Variants in PPP1R1C observed in about 807,000 individuals in gnomAD.
The protein encoded by PPP1R1C is protein phosphatase 1 regulatory subunit 1C.
PPP1R1C carries 15 observed loss-of-function variants against 17.4 expected under a neutral mutation model. The observed-to-expected ratio is 0.86, with a 90% CI of 0.58 to 1.33. The LOEUF (loss-of-function observed/expected upper bound fraction) is 1.33. Among genes scored for constraint, PPP1R1C ranks in the 40% most tolerant of loss-of-function variants. The pLI is 0.00. For missense variants in PPP1R1C, 143 were observed against 130.0 expected (o/e 1.10, Z -0.48); for synonymous variants, 35 against 43.1 (o/e 0.81, Z 0.73).
At chr2:182,027,421 G>T (rs1280438054) in intron 2 of PPP1R1C, among the ~76,000 whole-genome samples, 181 of 119,932 alleles carry the variant, frequency 1.5e-3, no homozygotes, top group Admixed American at 2.4e-3. Context: ...TTAGCATGAA[G>T]GGTTGTTGAA....
intron 4 of PPP1R1C, among the ~76,000 whole-genome samples, chr2:182,090,168 C>A (rs1294437022): frequency 6.6e-6 from 1 of 152,046 alleles, no homozygotes; most frequent in Non-Finnish European, 1.5e-5. Context: ...TACAAAAATA[C>A]TCTGTGTACA....
At chr2:182,120,794 A>T (rs1473969766), downstream of PPP1R1C, among the ~76,000 whole-genome samples, 2 of 152,120 alleles carry the variant, frequency 1.3e-5, no homozygotes, top group African/African-American at 2.4e-5. Context: ...TTGTAACATC[A>T]TTTAGGGTAA....
At chr2:181,960,650 C>T (rs1684759415) in intron 1 of PPP1R1C, among the ~76,000 whole-genome samples, 1 of 152,206 alleles carries the variant, frequency 6.6e-6, no homozygotes, top group South Asian at 2.1e-4. Flanking sequence ...TCAGAATTCT[C>T]TCTGCCATGG....
At chr2:182,063,964 G>A (rs976929221) in intron 4 of PPP1R1C, 173 bp downstream of exon 4, 1 of 489,570 alleles carries the variant, frequency 2.0e-6, no homozygotes, top group Non-Finnish European at 3.7e-6. Context: ...GTTTCATCAA[G>A]AGTAAAATAT....
chr2:182,103,717 G>C (rs1689166048), intron 4 of PPP1R1C: 1 of 152,180 alleles, frequency 6.6e-6, no homozygotes, highest in Non-Finnish European at 1.5e-5. Flanking sequence ...CATGTCCTCA[G>C]GTCAAGCAGA....
rs934298944 is a variant in PPP1R1C at position 181,961,750 on chromosome 2, T to A, written n.111+7116T>A. The A allele has an allele frequency of 2.5e-5, 29 of 1,143,966 alleles. No individual in the cohort carries two copies. The highest frequency in any genetic ancestry group is 3.3e-5 in the Non-Finnish European group (25 of 765,718). 70.9% of individuals were successfully genotyped at this position (1,143,966 alleles called of 1,614,324 possible). A position where few individuals can be genotyped will look rare whatever the true frequency, so the allele number is the denominator to read the frequency against. On this transcript the variant is annotated intron_variant and non_coding_transcript_variant, in intron 1 of 5. Coordinates refer to the PPP1R1C transcript ENST00000464264. The surrounding 1 kb of genome is among the most constrained non-coding windows in gnomAD (Gnocchi z 5.8). ...GATATCTGCTATGATCTTGGCAAGG[T>A]CCTGAGATTTGGGGGCATCTACCTC...
At chr2:182,021,736 C>A (rs566210564) in intron 2 of PPP1R1C, among the ~76,000 whole-genome samples, 1 of 152,206 alleles carries the variant, frequency 6.6e-6, no homozygotes, top group Admixed American at 6.5e-5. Context: ...AAGTATCAGA[C>A]AGAAAAGAGC....
intron 5 of PPP1R1C, among the ~76,000 whole-genome samples, chr2:182,126,263 A>G (rs1689873299): frequency 6.6e-6 from 1 of 152,080 alleles, no homozygotes; most frequent in Non-Finnish European, 1.5e-5. Flanking sequence ...CTTATGTTAA[A>G]GTGTCTATAT....
chr2:182,028,197 G>A (rs1177470048), intron 2 of PPP1R1C, among the ~76,000 whole-genome samples: 1 of 122,530 alleles, frequency 8.2e-6, no homozygotes, highest in East Asian at 2.2e-4. Context: ...AGGGTTTTTT[G>A]TGTCTCTATT....
chr2:182,074,041 CTT>C (rs554848749), intron 4 of PPP1R1C, among the ~76,000 whole-genome samples: 87 of 131,096 alleles, frequency 6.6e-4, no homozygotes, highest in Admixed American at 8.4e-4. Flanking sequence ...AATTCTTCTT[CTT>C]TTTTTTTTTT....
At chr2:181,965,648 T>C (rs551254186) in intron 1 of PPP1R1C, among the ~76,000 whole-genome samples, 30 of 152,326 alleles carry the variant, frequency 2.0e-4, no homozygotes, top group African/African-American at 7.0e-4. Context: ...TTTGGTTCCA[T>C]TGGTCTGTGT....
intron 2 of PPP1R1C, among the ~76,000 whole-genome samples, chr2:182,050,108 T>C (rs898501217): frequency 3.3e-5 from 5 of 152,244 alleles, no homozygotes; most frequent in Admixed American, 2.6e-4. Flanking sequence ...TTTATAGTTC[T>C]GTTAAACAAT....
Position 181,992,690 on chromosome 2 carries a change from A to G in PPP1R1C, c.142+4791A>G. ...AGTGGAATCCGAAGCATAAGGTAAA[A>G]TAGTTTTTTGAGTATATTTATTGAA... is the stretch of plus-strand genomic sequence containing the variant. On this transcript the variant is annotated intron_variant, in intron 2 of 4. Coordinates refer to ENST00000682840, the MANE Select transcript of PPP1R1C (RefSeq NM_001080545.3). Among the ~76,000 whole-genome samples the G allele has an allele frequency of 1.5e-5, 2 of 134,692 alleles. 1 individual carries two copies. The allele number at this position is 134,692 out of a possible 152,430, so 88.4% of individuals were successfully genotyped here.
intron 4 of PPP1R1C, among the ~76,000 whole-genome samples, chr2:182,069,424 T>C (rs1688079628): frequency 6.6e-6 from 1 of 152,090 alleles, no homozygotes; most frequent in African/African-American, 2.4e-5. Context: ...AATTTGAGAA[T>C]GTACCTTTCT....
chr2:182,044,496 C>T (rs573920452), intron 2 of PPP1R1C, among the ~76,000 whole-genome samples: 1 of 152,226 alleles, frequency 6.6e-6, no homozygotes, highest in South Asian at 2.1e-4. Context: ...CCAGTCTTAC[C>T]CCACCCAACT....
At chr2:182,046,510 A>T (rs1426782210) in intron 2 of PPP1R1C, among the ~76,000 whole-genome samples, 1 of 151,682 alleles carries the variant, frequency 6.6e-6, no homozygotes, top group Non-Finnish European at 1.5e-5. Flanking sequence ...GGCAGATCAC[A>T]AGGTCAAGAG....
rs1252127495 is a variant in PPP1R1C at position 181,967,208 on chromosome 2, C to T, written n.112-8011C>T. On this transcript the variant is annotated intron_variant and non_coding_transcript_variant, in intron 1 of 5. Coordinates refer to the PPP1R1C transcript ENST00000464264. The surrounding 1 kb of genome is among the most constrained non-coding windows in gnomAD (Gnocchi z 5.5). Reference sequence around the variant, plus strand: ...CTTCTCTCGTTTTTTGTTAGTAAGTCTGGCTAAAAGTTTGTTGGTTTTATC... The same window carrying T: ...CTTCTCTCGTTTTTTGTTAGTAAGTTTGGCTAAAAGTTTGTTGGTTTTATC... Among the ~76,000 whole-genome samples the T allele has an allele frequency of 1.3e-5, 2 of 152,060 alleles. No homozygotes were observed. The highest frequency in any genetic ancestry group is 6.5e-5 in the Admixed American group (1 of 15,274).
At chr2:181,965,716 T>C (rs1044233562) in intron 1 of PPP1R1C, among the ~76,000 whole-genome samples, 1 of 152,330 alleles carries the variant, frequency 6.6e-6, no homozygotes, top group Middle Eastern at 3.4e-3. Context: ...CTTTAAAGTA[T>C]AATTTGAAGT....
At chr2:181,998,063 A>G (rs1438477243) in intron 2 of PPP1R1C, among the ~76,000 whole-genome samples, 1 of 152,208 alleles carries the variant, frequency 6.6e-6, no homozygotes, top group African/African-American at 2.4e-5. Context: ...CTTTCAAACT[A>G]GTTTTCTTTG....
Sources: allele counts gnomAD v4.1 joint callset (sites outside exome capture counted in the v4.1 genomes callset), GRCh38; gene constraint gnomAD v4.1.1; non-coding constraint Gnocchi (gnomAD v3.1); transcripts MANE v1.5; gene names NCBI Gene and HGNC (gene_info 2026-07-23, HGNC 2026-07-21).